Variants in BIN2 observed in about 807,000 individuals in gnomAD.
The protein encoded by BIN2 is bridging integrator 2.
A neutral mutation model predicts 67.9 loss-of-function variants in BIN2; 43 were observed. That is an observed-to-expected ratio of 0.63 (90% CI 0.50 to 0.82). The LOEUF (loss-of-function observed/expected upper bound fraction) is 0.82, where lower values mean the gene tolerates loss of function less well. Among genes scored for constraint, BIN2 ranks in the 40% least tolerant of loss-of-function variants. The pLI is 0.00. For missense variants in BIN2, 581 were observed against 671.6 expected (o/e 0.87, Z 1.49); for synonymous variants, 244 against 246.8 (o/e 0.99, Z 0.11).
intron 9 of BIN2, among the ~76,000 whole-genome samples, chr12:51,294,706 A>G (rs1945488587): frequency 6.6e-6 from 1 of 152,046 alleles, no homozygotes; most frequent in East Asian, 1.9e-4. Flanking sequence ...GTATTATTTT[A>G]TGTGTGAAAC....
chr12:51,284,796 A>T lies in BIN2; in HGVS notation c.1597-9T>A. ...TGAAGCTGGTCTTGGCCCTACAAAG[A>T]GAAGAGTTCTGCCAGTAAGAGGTGG... On this transcript the variant is annotated splice_polypyrimidine_tract_variant and intron_variant, in intron 11 of 12. Coordinates refer to ENST00000615107, the MANE Select transcript of BIN2 (RefSeq NM_016293.4). The T allele has an allele frequency of 1.2e-6, 2 of 1,610,308 alleles. No individual in the cohort carries two copies.
intron 7 of BIN2, among the ~76,000 whole-genome samples, chr12:51,298,532 C>T (rs1264191593): frequency 2.6e-5 from 4 of 151,538 alleles, no homozygotes; most frequent in Non-Finnish European, 4.4e-5. Context: ...GAATGAGACC[C>T]TGTCTCAAAA....
intron 9 of BIN2, among the ~76,000 whole-genome samples, chr12:51,293,710 A>G (rs1461435614): frequency 6.6e-6 from 1 of 152,208 alleles, no homozygotes; most frequent in Non-Finnish European, 1.5e-5. Context: ...GGAACCTTAA[A>G]TGGCCAATAA....
intron 1 of BIN2, among the ~76,000 whole-genome samples, chr12:51,321,873 CCT>C (rs2137456364): frequency 6.6e-6 from 1 of 152,308 alleles, no homozygotes; most frequent in African/African-American, 2.4e-5. Context: ...CAAATTTCTC[CCT>C]CTTTATCTTG....
intron 2 of BIN2, among the ~76,000 whole-genome samples, chr12:51,310,156 G>A (rs1945960547): frequency 6.6e-6 from 1 of 152,086 alleles, no homozygotes; most frequent in Non-Finnish European, 1.5e-5. Context: ...AAGTATTCTT[G>A]CCATCAAAAC....
At chr12:51,323,904 C>T (rs1331040627) in intron 1 of BIN2, 118 bp downstream of exon 1, 6 of 1,228,446 alleles carry the variant, frequency 4.9e-6, no homozygotes, top group African/African-American at 3.2e-5. Flanking sequence ...AGACCCTTCT[C>T]GTCAGCCCAG....
At chr12:51,305,089 C>T (rs1313897331) in intron 2 of BIN2, among the ~76,000 whole-genome samples, 1 of 152,096 alleles carries the variant, frequency 6.6e-6, no homozygotes, top group Non-Finnish European at 1.5e-5. Context: ...GTAATCCCAG[C>T]ACTTTGGGAG....
chr12:51,317,950 C>T (rs115114662), intron 1 of BIN2, among the ~76,000 whole-genome samples: 19,891 of 151,868 alleles, frequency 0.13, 1,449 homozygotes, highest in East Asian at 0.24. Context: ...ATAGCGCCAC[C>T]GCAGTCCGGC....
chr12:51,306,553 G>A (rs576049963), intron 2 of BIN2, among the ~76,000 whole-genome samples: 12 of 152,314 alleles, frequency 7.9e-5, no homozygotes, highest in African/African-American at 2.4e-4. Context: ...CTTGCACCCG[G>A]AAGGTGGAGG....
At chr12:51,307,391 A>G (rs1945894189) in intron 2 of BIN2, among the ~76,000 whole-genome samples, 1 of 152,092 alleles carries the variant, frequency 6.6e-6, no homozygotes, top group Non-Finnish European at 1.5e-5. Flanking sequence ...AATAAATACA[A>G]TAAAGTAATA....
At chr12:51,295,575 AAAATATATATATATAT>A (rs1565675992) in intron 9 of BIN2, among the ~76,000 whole-genome samples, 4 of 18,276 alleles carry the variant, frequency 2.2e-4, no homozygotes, top group East Asian at 4.3e-3. Context: ...AAAAAAAAAA[AAAATATATATATATAT>A]ATATATATAT....
intron 8 of BIN2, among the ~76,000 whole-genome samples, chr12:51,296,614 G>A (rs1945575019): frequency 6.6e-6 from 1 of 152,100 alleles, no homozygotes; most frequent in African/African-American, 2.4e-5. Context: ...TAATATAAAT[G>A]TTGTAGTAGC....
At chr12:51,286,318 A>G (rs1022488444) in intron 11 of BIN2, among the ~76,000 whole-genome samples, 6 of 152,222 alleles carry the variant, frequency 3.9e-5, no homozygotes, top group Non-Finnish European at 8.8e-5. Flanking sequence ...GCTTAATTCT[A>G]CAGGAAAAAT....
chr12:51,283,803 T>C (rs575662019), intron 12 of BIN2, among the ~76,000 whole-genome samples: 1 of 152,024 alleles, frequency 6.6e-6, no homozygotes, highest in Non-Finnish European at 1.5e-5. Flanking sequence ...GAGACCAGCC[T>C]GACCAACATG....
chr12:51,302,210 T>G (rs1204540383), intron 4 of BIN2, 95 bp from the exon 5 acceptor site: 12 of 840,202 alleles, frequency 1.4e-5, no homozygotes, highest in Admixed American at 8.3e-5. Flanking sequence ...AAAACCTTTT[T>G]TGTAGCACCG....
intron 1 of BIN2, among the ~76,000 whole-genome samples, chr12:51,316,242 G>A (rs1946125706): frequency 6.6e-6 from 1 of 152,106 alleles, no homozygotes; most frequent in South Asian, 2.1e-4. Context: ...CCCGGCCTTG[G>A]GAGGCCGAGG....
chr12:51,324,086 G>C lies in BIN2; in HGVS notation c.17C>G (p.Ala6Gly), dbSNP rs745377859. MAEGK[A>G]GGAAGLFAKQ... ...GGCGAAGAGGCCGGCCGCGCCGCCT[G>C]CCTTGCCCTCTGCCATCCTGCCAAC... Residue 6 changes from alanine to glycine, a missense_variant, in exon 1 of 13, where the codon GCA becomes GGA. Transcript: ENST00000615107. 1.2e-6 allele frequency: 2 copies of C among 1,613,430 alleles called. No homozygotes were observed. The highest frequency in any genetic ancestry group is 1.1e-5 in the South Asian group (1 of 91,066).
chr12:51,299,997 C>T (rs976149314), intron 5 of BIN2, among the ~76,000 whole-genome samples: 3 of 152,004 alleles, frequency 2.0e-5, no homozygotes, highest in African/African-American at 7.2e-5. Context: ...TGCACCAAGC[C>T]CGGCTAATTT....
intron 1 of BIN2, among the ~76,000 whole-genome samples, chr12:51,318,764 T>C (rs1946195322): frequency 6.6e-6 from 1 of 152,238 alleles, no homozygotes; most frequent in Non-Finnish European, 1.5e-5. Flanking sequence ...ATTTATCTCC[T>C]TGAGTTGTCA....
Sources: allele counts gnomAD v4.1 joint callset (sites outside exome capture counted in the v4.1 genomes callset), GRCh38; gene constraint gnomAD v4.1.1; transcripts MANE v1.5; gene names NCBI Gene and HGNC (gene_info 2026-07-23, HGNC 2026-07-21).